EPG5: variants seen among roughly 807,000 people sequenced by gnomAD.
EPG5 encodes ectopic P granules protein 5 homolog.
EPG5 carries 159 observed loss-of-function variants against 302.7 expected under a neutral mutation model. The observed-to-expected ratio is 0.53, with a 90% CI of 0.46 to 0.60. The LOEUF is 0.60. Among genes scored for constraint, EPG5 ranks in the 20% least tolerant of loss-of-function variants. The probability of loss-of-function intolerance (pLI) is 0.00; values close to 1 mark genes in which losing one functional copy is unlikely to be tolerated. For synonymous variants in EPG5, 1,158 were observed against 1,136.8 expected (o/e 1.02, Z -0.37); for missense variants, 2,896 against 3,092.4 (o/e 0.94, Z 1.51).
the EPG5 span, among the ~76,000 whole-genome samples, chr18:45,827,162 C>T: frequency 5.9e-5 from 9 of 152,178 alleles, no homozygotes; most frequent in Non-Finnish European, 1.0e-4. Context: ...GTGATCAGCC[C>T]GCCTTGGCCT....
chr18:45,882,357 T>C lies in EPG5; in HGVS notation c.5435A>G (p.Asn1812Ser). The change falls in exon 31 of 44, where the codon AAT becomes AGT. Residue 1812 changes from asparagine (N) to serine (S), a missense_variant. By Grantham distance (46) the Asn-to-Ser change is conservative. Around this residue, in one of 5 missense-constraint regions of EPG5, gnomAD observed 790 missense variants for 798.0 expected, o/e 0.99. Transcript: ENST00000282041. ...EPDEDILMPF[N>S]LFCKHWTYLL... ...ATAAGTCCAGTGCTTACAGAAAAGATTAAATGGCATCAAAATATCCTCATC... is the reference window on the plus strand; with the variant it reads ...ATAAGTCCAGTGCTTACAGAAAAGACTAAATGGCATCAAAATATCCTCATC... 1 of 1,614,168 alleles carries C rather than the reference T, an allele frequency of 6.2e-7. No homozygotes were observed. The highest frequency in any genetic ancestry group is 8.5e-7 in the Non-Finnish European group (1 of 1,180,036).
intron 1 of EPG5, among the ~76,000 whole-genome samples, chr18:45,960,988 T>C (rs1260424350): frequency 2.6e-5 from 4 of 152,114 alleles, no homozygotes; most frequent in Admixed American, 2.6e-4. Context: ...CTCCTGATTT[T>C]CCCCCCTAAA....
At chr18:45,862,288 T>C (rs2048651423) in intron 39 of EPG5, among the ~76,000 whole-genome samples, 1 of 152,240 alleles carries the variant, frequency 6.6e-6, no homozygotes, top group South Asian at 2.1e-4. Flanking sequence ...CTCTTTATTA[T>C]TTCCTCCCCT....
At chr18:45,855,810 C>T (rs537329117) in intron 42 of EPG5, 123 bp from the exon 43 acceptor site, 458 of 649,188 alleles carry the variant, frequency 7.1e-4, no homozygotes, top group South Asian at 7.6e-4. Flanking sequence ...GTGTTGTTCA[C>T]CTTCTCAGGA....
intron 24 of EPG5, among the ~76,000 whole-genome samples, 166 bp from the exon 25 acceptor site, chr18:45,904,283 T>C (rs2049696322): frequency 6.6e-6 from 1 of 152,104 alleles, no homozygotes; most frequent in African/African-American, 2.4e-5. Flanking sequence ...ACTCTAACAA[T>C]CCCTGCAGTA....
At chr18:45,937,878 G>A (rs1439935666) in intron 10 of EPG5, among the ~76,000 whole-genome samples, 1 of 152,098 alleles carries the variant, frequency 6.6e-6, no homozygotes, top group Non-Finnish European at 1.5e-5. Context: ...AAGAACAATA[G>A]CTGTCAACAT....
At chr18:45,945,946 T>C (rs2050777902) in intron 7 of EPG5, among the ~76,000 whole-genome samples, 1 of 152,196 alleles carries the variant, frequency 6.6e-6, no homozygotes, top group South Asian at 2.1e-4. Flanking sequence ...GGCTGGACAC[T>C]TTCATCTCCT....
At chr18:45,950,791 A>T (rs1276617271) in intron 4 of EPG5, among the ~76,000 whole-genome samples, 1 of 152,192 alleles carries the variant, frequency 6.6e-6, no homozygotes, top group Admixed American at 6.5e-5. Context: ...GGAATCCTCA[A>T]CCTGTACCTA....
the EPG5 span, among the ~76,000 whole-genome samples, chr18:45,831,945 T>C: frequency 5.3e-5 from 8 of 152,332 alleles, no homozygotes; most frequent in East Asian, 1.9e-4. Flanking sequence ...ACCACCAGGC[T>C]GGTCTTGAAT....
At chr18:45,963,431 G>A (rs1174621513) in intron 1 of EPG5, among the ~76,000 whole-genome samples, 2 of 152,182 alleles carry the variant, frequency 1.3e-5, no homozygotes, top group Admixed American at 1.3e-4. Flanking sequence ...GAGGCCAGGA[G>A]TTTGAGAAGA....
chr18:45,951,888 T>C (rs1335676133), intron 3 of EPG5, among the ~76,000 whole-genome samples: 2 of 152,150 alleles, frequency 1.3e-5, no homozygotes, highest in East Asian at 1.9e-4. Flanking sequence ...GAAATAAAAA[T>C]TGCATAATTC....
chr18:45,821,890 A>G, the EPG5 span, among the ~76,000 whole-genome samples: 2 of 152,336 alleles, frequency 1.3e-5, no homozygotes, highest in African/African-American at 4.8e-5. Context: ...GGAAATGCAA[A>G]TCAAAACCAC....
At chr18:45,846,862 C>T (rs1228553318), downstream of EPG5, among the ~76,000 whole-genome samples, 2 of 152,120 alleles carry the variant, frequency 1.3e-5, no homozygotes, top group African/African-American at 4.8e-5. Context: ...CAAAGAAAGA[C>T]CAAGAGAGAA....
Position 45,848,410 on chromosome 18 carries a change from T to C in EPG5, c.*4057A>G, listed in dbSNP as rs1215837195. ...GATCTGTCTTGGGCAACAACTGATA[T>C]TAAGCTGAGGTCTGCAGTCTCAACT... On this transcript the variant is annotated 3_prime_UTR_variant, in exon 44 of 44. Transcript: ENST00000282041. 2 of 152,256 alleles carry C rather than the reference T, an allele frequency of 1.3e-5. No homozygotes were observed. Among genetic ancestry groups the C allele is most frequent in the African/African-American group, 4.8e-5 (2 of 41,456 alleles). 9.4% of individuals were successfully genotyped at this position (152,256 alleles called of 1,614,324 possible).
chr18:45,879,261 A>G (rs1410108950), intron 32 of EPG5, 47 bp from the exon 33 acceptor site: 4 of 1,420,718 alleles, frequency 2.8e-6, no homozygotes, highest in Non-Finnish European at 3.9e-6. Flanking sequence ...TATGTATTTT[A>G]GTAAAGTGTT....
At chr18:45,935,075 T>C (rs182388521) in intron 10 of EPG5, 109 bp from the exon 11 acceptor site, 3 of 1,157,958 alleles carry the variant, frequency 2.6e-6, no homozygotes, top group Non-Finnish European at 3.6e-6. Flanking sequence ...CACACTATGA[T>C]TTTTCTAATA....
chr18:45,873,822 A>C (rs939423750), intron 35 of EPG5, among the ~76,000 whole-genome samples: 1 of 152,214 alleles, frequency 6.6e-6, no homozygotes, highest in African/African-American at 2.4e-5. Flanking sequence ...AAGATAAATC[A>C]GAAATACAAA....
intron 39 of EPG5, among the ~76,000 whole-genome samples, chr18:45,861,867 A>G (rs1307495198): frequency 6.6e-6 from 1 of 151,544 alleles, no homozygotes; most frequent in East Asian, 1.9e-4. Context: ...TTAGTCATTC[A>G]CAGTTATTAT....
intron 39 of EPG5, 127 bp downstream of exon 39, chr18:45,865,488 C>G: frequency 9.4e-7 from 1 of 1,061,900 alleles, no homozygotes; most frequent in Non-Finnish European, 1.4e-6. Context: ...CCAAACACCT[C>G]TCTGACCATT....
Sources: allele counts gnomAD v4.1 joint callset (sites outside exome capture counted in the v4.1 genomes callset), GRCh38; gene constraint gnomAD v4.1.1; regional missense constraint gnomAD v4.1.1; transcripts MANE v1.5; gene names NCBI Gene and HGNC (gene_info 2026-07-23, HGNC 2026-07-21).